The following NRG1 variants were observed in gnomAD, a reference collection of about 807,000 sequenced individuals.
NRG1 encodes neuregulin 1, also known as pro-neuregulin-1, membrane-bound isoform.
In NRG1, 18 loss-of-function variants were observed where a neutral mutation model predicts 63.8. The observed-to-expected ratio is 0.28, with a 90% CI of 0.19 to 0.42. The LOEUF (loss-of-function observed/expected upper bound fraction) is 0.42. Ranked by LOEUF, NRG1 falls within the 10% of genes least tolerant of loss-of-function variation. The pLI is 1.00. For missense variants in NRG1, 762 were observed against 814.7 expected (o/e 0.94, Z 0.79); for synonymous variants, 302 against 301.3 (o/e 1.00, Z -0.02).
intron 7 of NRG1, chr8:32,749,716 T>C: frequency 1.2e-6 from 1 of 810,050 alleles, no homozygotes; most frequent in African/African-American, 1.7e-5. Flanking sequence ...CATACAGCTA[T>C]AACAATGATT....
At chr8:32,206,609 A>G (rs1330907344) in intron 1 of NRG1, among the ~76,000 whole-genome samples, 1 of 152,212 alleles carries the variant, frequency 6.6e-6, no homozygotes, top group Non-Finnish European at 1.5e-5. Context: ...TGAAATCTTC[A>G]TTATCAGAAT....
chr8:32,526,728 C>A (rs1830884033), intron 1 of NRG1, among the ~76,000 whole-genome samples: 1 of 152,210 alleles, frequency 6.6e-6, no homozygotes, highest in African/African-American at 2.4e-5. Context: ...CATACTCAAA[C>A]AAACAACCAG....
intron 1 of NRG1, among the ~76,000 whole-genome samples, chr8:32,555,489 TG>T (rs901937018): frequency 7.9e-5 from 12 of 152,216 alleles, no homozygotes; most frequent in African/African-American, 2.9e-4. Context: ...GTACTTTTTT[TG>T]AGACGGAGTC....
intron 5 of NRG1, among the ~76,000 whole-genome samples, chr8:32,677,473 A>T (rs951300218): frequency 1.3e-5 from 2 of 152,046 alleles, no homozygotes. Flanking sequence ...CCTGAGCAAC[A>T]TGGGGAGATC....
chr8:32,696,452 A>G (rs974804635), intron 5 of NRG1, among the ~76,000 whole-genome samples: 7 of 152,096 alleles, frequency 4.6e-5, no homozygotes, highest in African/African-American at 1.7e-4. Context: ...TGCAGCAACA[A>G]TAACCTCTGG....
chr8:32,758,372 T>G (rs1488741258), intron 9 of NRG1, among the ~76,000 whole-genome samples: 5 of 150,970 alleles, frequency 3.3e-5, no homozygotes, highest in African/African-American at 1.2e-4. Flanking sequence ...AGGTCAGGAG[T>G]TTAAGACCAG....
chr8:32,636,335 T>C (rs572214728), intron 5 of NRG1, among the ~76,000 whole-genome samples: 32 of 152,288 alleles, frequency 2.1e-4, no homozygotes, highest in African/African-American at 6.7e-4. Context: ...GGACATGATT[T>C]AGTTAAATAC....
At chr8:31,838,170 G>A (rs1825860148) in intron 1 of NRG1, among the ~76,000 whole-genome samples, 1 of 152,008 alleles carries the variant, frequency 6.6e-6, no homozygotes, top group South Asian at 2.1e-4. Flanking sequence ...TTCTAAAGAT[G>A]TAAAGTATGA....
chr8:31,850,723 C>CT (rs1827129082), intron 1 of NRG1, among the ~76,000 whole-genome samples: 1 of 152,158 alleles, frequency 6.6e-6, no homozygotes. Context: ...GGTCACCTCC[C>CT]TGTCCTCACC....
chr8:32,062,230 A>G (rs990239549), intron 1 of NRG1, among the ~76,000 whole-genome samples: 1 of 152,034 alleles, frequency 6.6e-6, no homozygotes, highest in South Asian at 2.1e-4. Context: ...TGTCACCCCA[A>G]CCTTTCTTCA....
chr8:31,947,478 A>G (rs142065405), intron 1 of NRG1, among the ~76,000 whole-genome samples: 1,796 of 152,288 alleles, frequency 0.012, 38 homozygotes, highest in Non-Finnish European at 0.011. Flanking sequence ...ATCATGGAGA[A>G]GAAGCAGTAT....
intron 1 of NRG1, among the ~76,000 whole-genome samples, chr8:32,190,483 A>C (rs1346155969): frequency 6.6e-6 from 1 of 152,208 alleles, no homozygotes; most frequent in Non-Finnish European, 1.5e-5. Flanking sequence ...ATACAACAAC[A>C]GGCTGTGCAA....
chr8:32,417,288 G>A lies in NRG1; in HGVS notation c.38-178540G>A, dbSNP rs1385676937. Among the ~76,000 whole-genome samples the A allele has an allele frequency of 3.3e-5, 5 of 152,120 alleles. No individual in the cohort carries two copies. The East Asian group carries it at 9.6e-4, about 29-fold the overall frequency. The stretch of plus-strand genomic sequence containing the variant: ...TTAGTCACCCTTGGGTAACTAAACA[G>A]CATAGGTATGTTGATCAAAATGCCC... On this transcript the variant is annotated intron_variant, in intron 1 of 10. Coordinates refer to the NRG1 transcript ENST00000519301.
At chr8:32,484,924 AAAG>A (rs1188342165) in intron 1 of NRG1, among the ~76,000 whole-genome samples, 2 of 152,182 alleles carry the variant, frequency 1.3e-5, no homozygotes, top group African/African-American at 2.4e-5. Context: ...TATTAATCAC[AAAG>A]AAGATCAGGC....
chr8:32,584,105 G>A (rs1346857991), intron 1 of NRG1, among the ~76,000 whole-genome samples: 1 of 152,148 alleles, frequency 6.6e-6, no homozygotes, highest in Admixed American at 6.5e-5. Flanking sequence ...TGTTTTATGA[G>A]ACCAAAGGGC....
intron 1 of NRG1, among the ~76,000 whole-genome samples, chr8:31,868,148 ACACACAC>A: frequency 1.2e-4 from 1 of 8,254 alleles, no homozygotes; most frequent in Non-Finnish European, 1.9e-4. Context: ...CATACATCTT[ACACACAC>A]ACACACACAC....
At chr8:32,569,905 C>CTTTTTT (rs1209336043) in intron 1 of NRG1, among the ~76,000 whole-genome samples, 3 of 121,632 alleles carry the variant, frequency 2.5e-5, no homozygotes, top group South Asian at 2.7e-4. Context: ...TGATAGTTAT[C>CTTTTTT]TTTTTTTTTT....
rs541897769 is a variant in NRG1 at position 32,379,640 on chromosome 8, A to T, written c.38-216188A>T. Among the ~76,000 whole-genome samples, 6 of 152,336 alleles carry T rather than the reference A, an allele frequency of 3.9e-5. No homozygotes were observed. The East Asian group carries it at 1.2e-3, about 29-fold the overall frequency. Reference sequence around the variant, plus strand: ...GTCAGATCCTTCTGCATGTGCACTGAGTTAAATTCTCACTGTAAGATTGAC... The same window carrying T: ...GTCAGATCCTTCTGCATGTGCACTGTGTTAAATTCTCACTGTAAGATTGAC... On this transcript the variant is annotated intron_variant, in intron 1 of 10. Coordinates refer to the NRG1 transcript ENST00000519301.
intron 1 of NRG1, among the ~76,000 whole-genome samples, chr8:32,237,346 A>G (rs1013359938): frequency 1.3e-5 from 2 of 152,154 alleles, no homozygotes; most frequent in Non-Finnish European, 2.9e-5. Context: ...TTAGCCCTGC[A>G]TTGCTATAAT....
Sources: allele counts gnomAD v4.1 joint callset (sites outside exome capture counted in the v4.1 genomes callset), GRCh38; gene constraint gnomAD v4.1.1; transcripts MANE v1.5; gene names NCBI Gene and HGNC (gene_info 2026-07-23, HGNC 2026-07-21).